The following PRKN variants were observed in gnomAD, a reference collection of about 807,000 sequenced individuals.
The protein encoded by PRKN is E3 ubiquitin-protein ligase parkin.
In PRKN, 56 loss-of-function variants were observed where a neutral mutation model predicts 59.5. The observed-to-expected ratio is 0.94, with a 90% CI of 0.76 to 1.18. The LOEUF (loss-of-function observed/expected upper bound fraction) is 1.18. Among genes scored for constraint, PRKN ranks in the 50% most tolerant of loss-of-function variants. The pLI is 0.00. For missense variants in PRKN, 657 were observed against 596.4 expected (o/e 1.10, Z -1.06); for synonymous variants, 250 against 222.1 (o/e 1.13, Z -1.12).
rs749409834 is a variant in PRKN at position 162,267,745 on chromosome 6, GCTTT to G, written c.172-4984_172-4981del. On this transcript the variant is annotated intron_variant, in intron 2 of 11. Transcript: ENST00000366898. ...GGAGACTGAGGGATCAGTATCTTGG[GCTTT>G]CTGTCTATAGGATCCTTGACATGGA... Among the ~76,000 whole-genome samples the G allele has an allele frequency of 2.3e-4, 35 of 152,184 alleles. 1 individual carries two copies. Among genetic ancestry groups the G allele is most frequent in the Non-Finnish European group, 4.0e-4 (27 of 68,012 alleles).
At chr6:162,129,235 G>T (rs761936394) in intron 4 of PRKN, among the ~76,000 whole-genome samples, 3 of 152,100 alleles carry the variant, frequency 2.0e-5, no homozygotes, top group Non-Finnish European at 4.4e-5. Flanking sequence ...TCTTAAATGA[G>T]CTTTAATTTT....
At chr6:162,285,162 T>C (rs991872079) in intron 2 of PRKN, among the ~76,000 whole-genome samples, 7 of 152,026 alleles carry the variant, frequency 4.6e-5, no homozygotes, top group East Asian at 1.9e-4. Context: ...ACCCAGTCTG[T>C]AGTGAAGGTT....
intron 6 of PRKN, among the ~76,000 whole-genome samples, chr6:161,798,823 G>A (rs908565718): frequency 3.3e-5 from 5 of 151,998 alleles, no homozygotes; most frequent in Non-Finnish European, 5.9e-5. Flanking sequence ...GGCCAGGCAC[G>A]CTTACATGGA....
chr6:162,447,087 A>G (rs1290904513), intron 1 of PRKN, among the ~76,000 whole-genome samples: 1 of 152,200 alleles, frequency 6.6e-6, no homozygotes, highest in African/African-American at 2.4e-5. Flanking sequence ...TATTGAGATT[A>G]TGGATGTATT....
At chr6:162,537,305 C>A (rs1046753743) in intron 1 of PRKN, among the ~76,000 whole-genome samples, 1 of 152,206 alleles carries the variant, frequency 6.6e-6, no homozygotes, top group African/African-American at 2.4e-5. Context: ...CATACTCTGC[C>A]ATCTCACTAG....
intron 1 of PRKN, among the ~76,000 whole-genome samples, chr6:162,593,369 T>G (rs1781381256): frequency 6.6e-6 from 1 of 152,230 alleles, no homozygotes; most frequent in South Asian, 2.1e-4. Context: ...GAAAAGAACC[T>G]GAGAAGCCCT....
At chr6:162,244,525 TG>T (rs1459735092) in intron 3 of PRKN, among the ~76,000 whole-genome samples, 2 of 152,108 alleles carry the variant, frequency 1.3e-5, no homozygotes, top group African/African-American at 2.4e-5. Flanking sequence ...CTCCAAACAC[TG>T]TCAAAATTAT....
chr6:162,206,787 G>A (rs1784961902), intron 3 of PRKN, among the ~76,000 whole-genome samples: 1 of 152,074 alleles, frequency 6.6e-6, no homozygotes, highest in South Asian at 2.1e-4. Context: ...GTATTTCTGG[G>A]TGCTGGCCTT....
intron 3 of PRKN, among the ~76,000 whole-genome samples, chr6:162,260,053 A>G (rs77936607): frequency 6.6e-6 from 1 of 152,176 alleles, no homozygotes; most frequent in Non-Finnish European, 1.5e-5. Flanking sequence ...CAGATGCAAC[A>G]TATCTTTACA....
intron 6 of PRKN, among the ~76,000 whole-genome samples, chr6:161,804,757 A>G (rs1791237163): frequency 6.6e-6 from 1 of 152,344 alleles, no homozygotes; most frequent in African/African-American, 2.4e-5. Context: ...ACACTGAAAA[A>G]GTTTCAAACA....
chr6:161,869,924 C>G (rs919859639), intron 6 of PRKN, among the ~76,000 whole-genome samples: 2 of 152,158 alleles, frequency 1.3e-5, no homozygotes, highest in Non-Finnish European at 2.9e-5. Flanking sequence ...TTTAATTCAG[C>G]TGATGGGTTG....
chr6:162,058,970 A>AG (rs1777984614), intron 4 of PRKN, among the ~76,000 whole-genome samples: 1 of 151,840 alleles, frequency 6.6e-6, no homozygotes, highest in Non-Finnish European at 1.5e-5. Flanking sequence ...AAAAAAAAAA[A>AG]AAAAAAAGAA....
chr6:161,548,779 A>C lies in PRKN; in HGVS notation c.1083+75T>G. On this transcript the variant is annotated intron_variant, in intron 9 of 11. Transcript: ENST00000366898. The surrounding 1 kb of genome is among the most constrained non-coding windows in gnomAD (Gnocchi z 4.2). Reference sequence around the variant, plus strand: ...AAAGGGAAAATGAAAATAAAATAAAAATATAATCCCAGCCCATGTGCAAAA... The same window carrying C: ...AAAGGGAAAATGAAAATAAAATAAACATATAATCCCAGCCCATGTGCAAAA... 7.6e-7 allele frequency: 1 copy of C among 1,318,416 alleles called. No individual in the cohort carries two copies. The highest frequency in any genetic ancestry group is 1.1e-6 in the Non-Finnish European group (1 of 933,640). 81.7% of individuals were successfully genotyped at this position (1,318,416 alleles called of 1,614,324 possible).
intron 1 of PRKN, among the ~76,000 whole-genome samples, chr6:162,491,690 T>C (rs1792822816): frequency 6.6e-6 from 1 of 152,192 alleles, no homozygotes; most frequent in Non-Finnish European, 1.5e-5. Flanking sequence ...AACCAGTCTT[T>C]TGGGCAGATG....
chr6:162,515,878 A>G (rs771747253), intron 1 of PRKN, among the ~76,000 whole-genome samples: 1 of 151,260 alleles, frequency 6.6e-6, no homozygotes, highest in Non-Finnish European at 1.5e-5. Context: ...CTATGTCTGT[A>G]CTACTAATAG....
rs1487643189 is a variant in PRKN, at chr6:161,576,332, G to A, written c.872-6916C>T. 2.6e-5 allele frequency among the ~76,000 whole-genome samples: 4 copies of A among 152,136 alleles called. No individual in the cohort carries two copies. The highest frequency in any genetic ancestry group is 9.7e-5 in the African/African-American group (4 of 41,416). ...TACTTGCTGTCTCAAGATATCCTAA[G>A]CCAGTTAAGGAGAATCTTGAAGATA... On this transcript the variant is annotated intron_variant, in intron 7 of 11. Transcript: ENST00000366898. The surrounding 1 kb of genome is among the most constrained non-coding windows in gnomAD (Gnocchi z 4.6).
At chr6:162,156,075 G>A (rs1299275556) in intron 4 of PRKN, among the ~76,000 whole-genome samples, 2 of 10,112 alleles carry the variant, frequency 2.0e-4, no homozygotes, top group Admixed American at 1.9e-3. Flanking sequence ...TGTTTCCTTG[G>A]TTAGACTAAA....
intron 7 of PRKN, among the ~76,000 whole-genome samples, chr6:161,727,861 T>C (rs564063569): frequency 1.6e-3 from 245 of 152,380 alleles, no homozygotes; most frequent in African/African-American, 4.9e-3. Context: ...CGTGTATTCC[T>C]ACTTACTTTT....
chr6:162,581,782 A>G (rs1163724238), intron 1 of PRKN, among the ~76,000 whole-genome samples: 2 of 152,172 alleles, frequency 1.3e-5, no homozygotes, highest in African/African-American at 4.8e-5. Flanking sequence ...TACTTAACTT[A>G]GATTTTAAGA....
Sources: allele counts gnomAD v4.1 joint callset (sites outside exome capture counted in the v4.1 genomes callset), GRCh38; gene constraint gnomAD v4.1.1; non-coding constraint Gnocchi (gnomAD v3.1); transcripts MANE v1.5; gene names NCBI Gene and HGNC (gene_info 2026-07-23, HGNC 2026-07-21).